The following MTSS1 variants were observed in gnomAD, a reference collection of about 807,000 sequenced individuals.
MTSS1 encodes MTSS I-BAR domain containing 1.
A neutral mutation model predicts 79.0 loss-of-function variants in MTSS1; 18 were observed. The observed-to-expected ratio is 0.23, with a 90% CI of 0.16 to 0.34. MTSS1 has a LOEUF of 0.34. Among genes scored for constraint, MTSS1 ranks in the 10% least tolerant of loss-of-function variants. The pLI is 1.00. For missense variants in MTSS1, 815 were observed against 986.2 expected, an observed-to-expected ratio of 0.83 and a Z score of 2.33; for synonymous variants, 341 against 368.6, an observed-to-expected ratio of 0.93 and a Z score of 0.86.
chr8:124,555,647 G>A, intron 13 of MTSS1, 95 bp downstream of exon 13: 4 of 1,349,072 alleles, frequency 3.0e-6, no homozygotes, highest in South Asian at 1.5e-5. Flanking sequence ...TAGTTAGCGA[G>A]TGGTGGGTTG....
chr8:124,657,853 A>C (rs1821254249), intron 3 of MTSS1, among the ~76,000 whole-genome samples: 1 of 152,192 alleles, frequency 6.6e-6, no homozygotes. Context: ...TCTACTGTGG[A>C]CTAAGTGTTT....
intron 3 of MTSS1, among the ~76,000 whole-genome samples, chr8:124,677,214 G>A (rs1481823306): frequency 6.6e-6 from 1 of 152,072 alleles, no homozygotes; most frequent in African/African-American, 2.4e-5. Context: ...GATTAATCTT[G>A]AACACTTAAA....
chr8:124,648,001 CA>C (rs1347050788), intron 3 of MTSS1, among the ~76,000 whole-genome samples: 1 of 152,206 alleles, frequency 6.6e-6, no homozygotes, highest in Non-Finnish European at 1.5e-5. Flanking sequence ...AAGGGGAATA[CA>C]GTTTACCAGC....
chr8:124,632,770 C>T (rs10094021), intron 3 of MTSS1, among the ~76,000 whole-genome samples: 2,999 of 152,260 alleles, frequency 0.02, 103 homozygotes, highest in African/African-American at 0.068. Context: ...TGAGTTCAAG[C>T]GATTCTTCTG....
At chr8:124,714,247 C>T (rs1453790076) in intron 1 of MTSS1, among the ~76,000 whole-genome samples, 4 of 152,076 alleles carry the variant, frequency 2.6e-5, no homozygotes, top group Non-Finnish European at 4.4e-5. Context: ...ATGCTGTATT[C>T]GAGAGTACAG....
At chr8:124,690,181 G>A (rs183570785) in intron 3 of MTSS1, among the ~76,000 whole-genome samples, 2 of 152,108 alleles carry the variant, frequency 1.3e-5, no homozygotes, top group South Asian at 2.1e-4. Context: ...CACCACCATC[G>A]CATAATTCAC....
intron 1 of MTSS1, among the ~76,000 whole-genome samples, chr8:124,711,403 C>T (rs150176884): frequency 2.0e-5 from 3 of 152,252 alleles, no homozygotes; most frequent in Non-Finnish European, 1.5e-5. Context: ...GAGGTTGGAG[C>T]AGAGAGCTCC....
At position 124,599,619 on chromosome 8, in the gene MTSS1, G is replaced by A. The variant is rs114088747; in HGVS notation, c.209-8384C>T. ...ATATAACAAATGTGAGTGTAGGCTCGCCTGTGACTGTATCAGGAATCTTTT... is the reference window on the plus strand; with the variant it reads ...ATATAACAAATGTGAGTGTAGGCTCACCTGTGACTGTATCAGGAATCTTTT... On this transcript the variant is annotated intron_variant, in intron 3 of 13. Transcript: ENST00000518547. 1.4e-3 allele frequency among the ~76,000 whole-genome samples: 212 copies of A among 150,330 alleles called. 1 individual carries two copies. The highest frequency in any genetic ancestry group is 4.7e-3 in the African/African-American group (190 of 40,858).
intron 6 of MTSS1, chr8:124,580,321 C>CA (rs1829803171): frequency 1.9e-6 from 1 of 515,878 alleles, no homozygotes; most frequent in African/African-American, 1.9e-5. Flanking sequence ...CAAAGGCTCT[C>CA]AGAGTGTTGT....
intron 3 of MTSS1, among the ~76,000 whole-genome samples, chr8:124,661,786 G>A (rs373358063): frequency 4.6e-5 from 7 of 152,162 alleles, no homozygotes; most frequent in African/African-American, 9.7e-5. Flanking sequence ...CCATAGCTGC[G>A]ACAGCCTGTT....
At chr8:124,676,734 G>A (rs1235191731) in intron 3 of MTSS1, among the ~76,000 whole-genome samples, 1 of 152,080 alleles carries the variant, frequency 6.6e-6, no homozygotes, top group Admixed American at 6.5e-5. Context: ...TTAATCCAAG[G>A]TTTGGGGCTT....
intron 3 of MTSS1, among the ~76,000 whole-genome samples, chr8:124,593,455 A>G (rs1832207144): frequency 6.6e-6 from 1 of 152,236 alleles, no homozygotes; most frequent in South Asian, 2.1e-4. Context: ...GTCCTTACCT[A>G]CAAGGGTAGT....
At chr8:124,623,012 G>A (rs1247076963) in intron 3 of MTSS1, among the ~76,000 whole-genome samples, 1 of 152,150 alleles carries the variant, frequency 6.6e-6, no homozygotes, top group East Asian at 1.9e-4. Flanking sequence ...CAGTAAGAAC[G>A]ATCCAGCCTG....
intron 3 of MTSS1, among the ~76,000 whole-genome samples, chr8:124,605,201 G>A (rs1279622063): frequency 6.6e-6 from 1 of 152,182 alleles, no homozygotes; most frequent in Non-Finnish European, 1.5e-5. Flanking sequence ...GTCTGCCTCT[G>A]CTGCATGGGC....
intron 3 of MTSS1, among the ~76,000 whole-genome samples, chr8:124,609,467 T>C (rs1224304618): frequency 1.3e-5 from 2 of 152,226 alleles, no homozygotes; most frequent in African/African-American, 4.8e-5. Context: ...GTCTAGGACA[T>C]TCACGTAACC....
intron 10 of MTSS1, among the ~76,000 whole-genome samples, chr8:124,561,287 GC>G (rs1424649728): frequency 6.6e-6 from 1 of 152,054 alleles, no homozygotes; most frequent in Non-Finnish European, 1.5e-5. Flanking sequence ...GAATGGTGGC[GC>G]GTGCCTGTAA....
chr8:124,619,773 A>G (rs1813099249), intron 3 of MTSS1, among the ~76,000 whole-genome samples: 1 of 152,180 alleles, frequency 6.6e-6, no homozygotes, highest in Admixed American at 6.5e-5. Context: ...CATGTGGCCC[A>G]ACAGCTCCAT....
intron 3 of MTSS1, among the ~76,000 whole-genome samples, chr8:124,627,844 C>T (rs920267864): frequency 8.5e-5 from 13 of 152,214 alleles, no homozygotes; most frequent in Admixed American, 8.5e-4. Context: ...TGTGGCATTG[C>T]TATTTCCCAT....
intron 5 of MTSS1, 57 bp from the exon 6 acceptor site, chr8:124,585,218 T>G (rs1443745597): frequency 1.5e-6 from 2 of 1,310,478 alleles, no homozygotes; most frequent in Non-Finnish European, 2.2e-6. Context: ...GAAAATATGT[T>G]AGGTAGGAAA....
Sources: allele counts gnomAD v4.1 joint callset (sites outside exome capture counted in the v4.1 genomes callset), GRCh38; gene constraint gnomAD v4.1.1; transcripts MANE v1.5; gene names NCBI Gene and HGNC (gene_info 2026-07-23, HGNC 2026-07-21).